CACNA1E: variants seen among roughly 807,000 people sequenced by gnomAD.
CACNA1E encodes the protein calcium voltage-gated channel subunit alpha1 E.
A neutral mutation model predicts 259.2 loss-of-function variants in CACNA1E; 40 were observed. That is an observed-to-expected ratio of 0.15 (90% CI 0.12 to 0.20). The LOEUF (loss-of-function observed/expected upper bound fraction) is 0.20, where lower values mean the gene tolerates loss of function less well. Ranked by LOEUF, CACNA1E falls within the 10% of genes least tolerant of loss-of-function variation. The pLI, the probability that CACNA1E is intolerant of heterozygous loss-of-function variation, is 1.00. For synonymous variants in CACNA1E, 1,104 were observed against 1,138.5 expected (o/e 0.97, Z 0.61); for missense variants, 1,874 against 3,040.1 (o/e 0.62, Z 9.02).
intron 46 of CACNA1E, among the ~76,000 whole-genome samples, chr1:181,796,274 A>G (rs1039976759): frequency 2.0e-5 from 3 of 152,192 alleles, no homozygotes; most frequent in Admixed American, 6.5e-5. Flanking sequence ...AGGCTGCTAC[A>G]ACAAATTACC....
intron 1 of CACNA1E, among the ~76,000 whole-genome samples, chr1:181,331,826 A>T (rs964666231): frequency 3.9e-5 from 6 of 152,188 alleles, no homozygotes; most frequent in African/African-American, 9.7e-5. Flanking sequence ...AGCACTATTT[A>T]TTAAATAGGG....
At chr1:181,771,775 G>A (rs1659540337) in intron 36 of CACNA1E, 3 of 478,454 alleles carry the variant, frequency 6.3e-6, no homozygotes, top group Non-Finnish European at 1.1e-5. Context: ...TTCCACTTAA[G>A]GGCTGAAACC....
intron 1 of CACNA1E, among the ~76,000 whole-genome samples, chr1:181,322,012 G>T (rs570187111): frequency 6.6e-6 from 1 of 152,264 alleles, no homozygotes; most frequent in South Asian, 2.1e-4. Context: ...GAGGGTAGGC[G>T]GGGCAGATGG....
At chr1:181,378,400 G>A (rs1480789389) in intron 1 of CACNA1E, among the ~76,000 whole-genome samples, 1 of 152,214 alleles carries the variant, frequency 6.6e-6, no homozygotes, top group Non-Finnish European at 1.5e-5. Context: ...TGTCTTGAGA[G>A]AGATTCCAGG....
intron 28 of CACNA1E, 96 bp from the exon 29 acceptor site, chr1:181,755,860 T>G: frequency 8.0e-7 from 1 of 1,255,912 alleles, no homozygotes; most frequent in Non-Finnish European, 1.1e-6. Context: ...GTGATCATTA[T>G]TACCCCCACA....
chr1:181,608,249 G>C (rs192748995), intron 6 of CACNA1E, among the ~76,000 whole-genome samples: 1 of 152,068 alleles, frequency 6.6e-6, no homozygotes, highest in Non-Finnish European at 1.5e-5. Flanking sequence ...AGTGTGGATG[G>C]GTATTATTTG....
chr1:181,559,649 T>C (rs1486933552), intron 3 of CACNA1E, among the ~76,000 whole-genome samples: 1 of 152,118 alleles, frequency 6.6e-6, no homozygotes, highest in Admixed American at 6.5e-5. Context: ...CATCTTGAAT[T>C]TGGAGACCTG....
At chr1:181,602,169 C>T (rs968472602) in intron 6 of CACNA1E, among the ~76,000 whole-genome samples, 5 of 152,190 alleles carry the variant, frequency 3.3e-5, no homozygotes, top group African/African-American at 1.2e-4. Flanking sequence ...ACAGTATATA[C>T]TTTGCCTGTT....
At chr1:181,720,510 C>T (rs1028507267) in intron 14 of CACNA1E, among the ~76,000 whole-genome samples, 173 bp downstream of exon 14, 4 of 152,188 alleles carry the variant, frequency 2.6e-5, no homozygotes, top group African/African-American at 9.7e-5. Context: ...GCTTTTATTC[C>T]TTTCATGCTG....
At chr1:181,456,477 A>C (rs1357016277) in intron 2 of CACNA1E, among the ~76,000 whole-genome samples, 1 of 151,984 alleles carries the variant, frequency 6.6e-6, no homozygotes, top group African/African-American at 2.4e-5. Flanking sequence ...TCAGACACCC[A>C]CCTCCTTTGC....
rs545839295 is a variant in CACNA1E at position 181,663,227 on chromosome 1, C to T, written c.1055+11786C>T. 9.6e-4 allele frequency among the ~76,000 whole-genome samples: 146 copies of T among 152,196 alleles called. 1 individual carries two copies. The highest frequency in any genetic ancestry group is 3.4e-3 in the African/African-American group (143 of 41,528). Reference sequence around the variant, plus strand: ...CATCTGCCCGATACCATGGTAAATGCTTTATATACATTATTTCAATTAATT... The same window carrying T: ...CATCTGCCCGATACCATGGTAAATGTTTTATATACATTATTTCAATTAATT... On this transcript the variant is annotated intron_variant, in intron 7 of 47. Coordinates refer to ENST00000367573, the MANE Select transcript of CACNA1E (RefSeq NM_001205293.3).
intron 1 of CACNA1E, among the ~76,000 whole-genome samples, chr1:181,366,662 G>A (rs1270193553): frequency 6.6e-6 from 1 of 151,836 alleles, no homozygotes; most frequent in African/African-American, 2.4e-5. Context: ...AGGATTAGCA[G>A]TGTGAGCCCT....
At chr1:181,515,103 A>C (rs1204593271) in intron 3 of CACNA1E, among the ~76,000 whole-genome samples, 1 of 151,816 alleles carries the variant, frequency 6.6e-6, no homozygotes, top group Non-Finnish European at 1.5e-5. Context: ...TCACAACCCC[A>C]AGGGCCCCAT....
chr1:181,716,154 T>A (rs1250834023), intron 10 of CACNA1E, 25 bp downstream of exon 10: 1 of 1,407,838 alleles, frequency 7.1e-7, no homozygotes, highest in South Asian at 1.2e-5. Flanking sequence ...TTAGATCTTT[T>A]ACTGCTCTGA....
chr1:181,548,124 T>TTTTTCTTTC (rs796861955), intron 3 of CACNA1E, among the ~76,000 whole-genome samples: 73 of 68,674 alleles, frequency 1.1e-3, no homozygotes, highest in African/African-American at 3.8e-3. Context: ...TAACACTTTT[T>TTTTTCTTTC]TTTTCTTTTT....
upstream of CACNA1E, chr1:181,483,501 C>CTTT (rs111237511): frequency 5.4e-3 from 1,130 of 210,814 alleles, 15 homozygotes; most frequent in African/African-American, 0.027. Flanking sequence ...TTTCTTTTTT[C>CTTT]TTTTTTTTTT....
chr1:181,381,324 G>T (rs1275198434), intron 1 of CACNA1E, among the ~76,000 whole-genome samples: 3 of 152,176 alleles, frequency 2.0e-5, no homozygotes. Flanking sequence ...GCAATAAAAA[G>T]GGATGAACTA....
At chr1:181,336,791 T>C (rs1283497627) in intron 1 of CACNA1E, among the ~76,000 whole-genome samples, 1 of 152,098 alleles carries the variant, frequency 6.6e-6, no homozygotes, top group African/African-American at 2.4e-5. Flanking sequence ...TTGACTACTC[T>C]GGGTATCTCA....
chr1:181,760,813 C>T (rs1423463254), intron 32 of CACNA1E, among the ~76,000 whole-genome samples: 2 of 152,200 alleles, frequency 1.3e-5, no homozygotes, highest in Non-Finnish European at 2.9e-5. Flanking sequence ...CTGCACTGTA[C>T]TATTCTATAC....
Sources: allele counts gnomAD v4.1 joint callset (sites outside exome capture counted in the v4.1 genomes callset), GRCh38; gene constraint gnomAD v4.1.1; transcripts MANE v1.5; gene names NCBI Gene and HGNC (gene_info 2026-07-23, HGNC 2026-07-21).